The following HADH variants were observed in gnomAD, a reference collection of about 807,000 sequenced individuals.
The protein encoded by HADH is hydroxyacyl-CoA dehydrogenase, also known as hydroxyacyl-coenzyme A dehydrogenase, mitochondrial.
Under a neutral mutation model 32.2 loss-of-function variants are expected in HADH, and 24 were observed. That is an observed-to-expected ratio of 0.75 (90% CI 0.54 to 1.05). The LOEUF is 1.05. HADH is among the 50% of genes least tolerant of loss of function. The pLI is 0.00. For synonymous variants in HADH, 139 were observed against 152.5 expected (o/e 0.91, Z 0.65); for missense variants, 350 against 397.1 (o/e 0.88, Z 1.01).
chr4:108,033,178 G>A lies in HADH; in HGVS notation c.712G>A (p.Asp238Asn). ...MEAIRLYERG[D>N]ASKEDIDTAM... Reference sequence around the variant, plus strand: ...CAGTGCTGCCGTTTTCTCCTTAGGTGACGCATCCAAAGAAGACATTGACAC... The same window carrying A: ...CAGTGCTGCCGTTTTCTCCTTAGGTAACGCATCCAAAGAAGACATTGACAC... The change falls in exon 7 of 8, where the codon GAC (aspartate) becomes AAC (asparagine). Residue 238 changes from aspartate (D) to asparagine (N), a missense_variant and splice_region_variant. Physicochemically the swap from Asp to Asn is conservative, Grantham distance 23 (BLOSUM62 1). Coordinates refer to ENST00000309522, the MANE Select transcript of HADH (RefSeq NM_005327.7). 6.5e-7 allele frequency: 1 copy of A among 1,543,036 alleles called. No homozygotes were observed. The highest frequency in any genetic ancestry group is 9.0e-7 in the Non-Finnish European group (1 of 1,115,294).
chr4:108,028,002 A>G (rs964174276), intron 6 of HADH: 5 of 581,664 alleles, frequency 8.6e-6, no homozygotes, highest in Non-Finnish European at 1.5e-5. Flanking sequence ...CCCCCACTAC[A>G]GTCCCAGCCA....
At chr4:108,013,817 G>C (rs1285881155) in intron 2 of HADH, among the ~76,000 whole-genome samples, 1 of 152,072 alleles carries the variant, frequency 6.6e-6, no homozygotes, top group African/African-American at 2.4e-5. Flanking sequence ...AATTTCACCT[G>C]CGAATGTCTT....
At chr4:108,028,210 A>G in intron 6 of HADH, 1 of 235,596 alleles carries the variant, frequency 4.2e-6, no homozygotes, top group Non-Finnish European at 8.4e-6. Flanking sequence ...GACAGTTTTT[A>G]GTAGTCTGTC....
intron 5 of HADH, chr4:108,026,490 T>G (rs1475870298): frequency 1.3e-5 from 2 of 152,230 alleles, no homozygotes; most frequent in Non-Finnish European, 2.9e-5. Flanking sequence ...AAAGAGTATT[T>G]TTGCCTCAAT....
rs564000933 is a variant in HADH, at chr4:107,990,153, A to G, written c.132+89A>G. The G allele has an allele frequency of 1.2e-3, 1,560 of 1,345,454 alleles. 11 individuals are homozygous for G. In the African/African-American group the frequency reaches 0.016, roughly 14 times the overall value. 83.3% of individuals were successfully genotyped at this position (1,345,454 alleles called of 1,614,324 possible). A position where few individuals can be genotyped will look rare whatever the true frequency, so the allele number is the denominator to read the frequency against. ...GCGCGACCGGCCGCGAGGGGCCTGC[A>G]CCCGCCCGACACCAGGGAGTTTTCA... On this transcript the variant is annotated intron_variant, in intron 1 of 7. Coordinates refer to ENST00000309522, the MANE Select transcript of HADH (RefSeq NM_005327.7).
In HADH at chr4:108,011,006, G is replaced by A. The variant is rs144542027; in HGVS notation, c.261+1119G>A. Among the ~76,000 whole-genome samples, 1,140 of 151,950 alleles carry A rather than the reference G, an allele frequency of 7.5e-3. 22 individuals carry two copies. Among genetic ancestry groups the A allele is most frequent in the Admixed American group, 0.038 (582 of 15,254 alleles). On this transcript the variant is annotated intron_variant, in intron 2 of 7. Coordinates refer to ENST00000309522, the MANE Select transcript of HADH (RefSeq NM_005327.7). Reference sequence around the variant, plus strand: ...TGGGATTACAGGCGCACGCCACCACGTCCAGCTAATTTTTGTAGTTTTAGT... The same window carrying A: ...TGGGATTACAGGCGCACGCCACCACATCCAGCTAATTTTTGTAGTTTTAGT...
chr4:107,991,283 C>T (rs939004634), intron 1 of HADH, among the ~76,000 whole-genome samples: 6 of 152,060 alleles, frequency 3.9e-5, no homozygotes, highest in Admixed American at 3.9e-4. Flanking sequence ...CGGTTATAGT[C>T]ATCTAATTTT....
chr4:107,989,929 C>T lies in HADH; in HGVS notation c.-4C>T. 1 of 1,612,280 alleles carries T rather than the reference C, an allele frequency of 6.2e-7. No homozygotes were observed. Among genetic ancestry groups the T allele is most frequent in the Non-Finnish European group, 8.5e-7 (1 of 1,179,500 alleles). ...CTCCTCGCTGTCGCCGCCGCTGCCA[C>T]ACCATGGCCTTCGTCACCAGGCAGT... On this transcript the variant is annotated 5_prime_UTR_variant, in exon 1 of 8. Transcript: ENST00000309522.
In HADH at chr4:107,990,070, C is replaced by T; in HGVS notation, c.132+6C>T. The stretch of plus-strand genomic sequence containing the variant: ...TGGGCGCCGGCATTGCCCAGGTGAG[C>T]GGCCCTCCCTGCAGCGTGCCCACGC... On this transcript the variant is annotated splice_donor_region_variant and intron_variant, in intron 1 of 7. Coordinates refer to ENST00000309522, the MANE Select transcript of HADH (RefSeq NM_005327.7). 6.2e-7 allele frequency: 1 copy of T among 1,606,280 alleles called. No homozygotes were observed. The highest frequency in any genetic ancestry group is 1.7e-4 in the Middle Eastern group (1 of 5,902).
chr4:108,024,133 C>T (rs1255577623), intron 5 of HADH: 5 of 153,740 alleles, frequency 3.3e-5, no homozygotes, highest in African/African-American at 9.7e-5. Flanking sequence ...TTTCCCCTTT[C>T]TTAAGCTGCC....
chr4:108,008,823 A>G (rs145279419), intron 1 of HADH, among the ~76,000 whole-genome samples: 1,684 of 152,266 alleles, frequency 0.011, 31 homozygotes, highest in African/African-American at 0.039. Context: ...GGCCTGAACT[A>G]ATTCACTTAC....
chr4:108,034,271 C>A lies in HADH; in HGVS notation c.859C>A (p.His287Asn). 6.2e-7 allele frequency: 1 copy of A among 1,613,078 alleles called. No individual in the cohort carries two copies. The highest frequency in any genetic ancestry group is 8.5e-7 in the Non-Finnish European group (1 of 1,179,002). The part of the protein sequence containing the change: ...WHEMDAENPL[H>N]QPSPSLNKLV... ...TGAAATGGATGCAGAGAACCCATTA[C>A]ATCAGCCCAGCCCATCCTTAAATAA... Residue 287 changes from histidine to asparagine, a missense_variant, in exon 8 of 8, where the codon CAT (histidine) becomes AAT (asparagine). Physicochemically the swap from His to Asn is moderately conservative, Grantham distance 68 (BLOSUM62 1). Transcript: ENST00000309522.
chr4:108,004,114 G>A (rs1735210162), intron 1 of HADH, among the ~76,000 whole-genome samples: 2 of 152,206 alleles, frequency 1.3e-5, no homozygotes, highest in South Asian at 2.1e-4. Flanking sequence ...CCTGTCACGT[G>A]TAGACAGTGA....
rs773267851 is a variant in HADH at position 107,989,909 on chromosome 4, C to A, written c.-24C>A. 1 of 1,608,512 alleles carries A rather than the reference C, an allele frequency of 6.2e-7. No homozygotes were observed. Among genetic ancestry groups the A allele is most frequent in the Admixed American group, 1.7e-5 (1 of 59,720 alleles). Reference sequence around the variant, plus strand: ...CGCGTCTTCCCTGCCCGGGTCTCCTCGCTGTCGCCGCCGCTGCCACACCAT... The same window carrying A: ...CGCGTCTTCCCTGCCCGGGTCTCCTAGCTGTCGCCGCCGCTGCCACACCAT... On this transcript the variant is annotated 5_prime_UTR_variant, in exon 1 of 8. Transcript: ENST00000309522.
chr4:108,012,249 A>T (rs530738301), intron 2 of HADH, among the ~76,000 whole-genome samples: 2,183 of 152,122 alleles, frequency 0.014, 52 homozygotes, highest in African/African-American at 0.044. Context: ...TGGCCTTTAG[A>T]TGATGGTGGA....
At chr4:108,007,324 G>C (rs1735324404) in intron 1 of HADH, among the ~76,000 whole-genome samples, 1 of 152,098 alleles carries the variant, frequency 6.6e-6, no homozygotes, top group Non-Finnish European at 1.5e-5. Flanking sequence ...AGCCAGGATG[G>C]TCTTGATCTC....
chr4:108,009,342 T>C (rs1392626094), intron 1 of HADH, among the ~76,000 whole-genome samples: 2 of 152,234 alleles, frequency 1.3e-5, no homozygotes, highest in Non-Finnish European at 1.5e-5. Context: ...GAACTGAATA[T>C]TTAATTTTAC....
intron 1 of HADH, among the ~76,000 whole-genome samples, chr4:108,009,241 C>A (rs1735396211): frequency 6.6e-6 from 1 of 152,190 alleles, no homozygotes; most frequent in South Asian, 2.1e-4. Context: ...ACAAGGGGCT[C>A]CAGCTCCAAG....
chr4:107,994,403 C>T (rs1459675381), intron 1 of HADH, among the ~76,000 whole-genome samples: 1 of 152,160 alleles, frequency 6.6e-6, no homozygotes, highest in Non-Finnish European at 1.5e-5. Flanking sequence ...AAAGCTTCTC[C>T]CCAGCCACTG....
Sources: allele counts gnomAD v4.1 joint callset (sites outside exome capture counted in the v4.1 genomes callset), GRCh38; gene constraint gnomAD v4.1.1; transcripts MANE v1.5; gene names NCBI Gene and HGNC (gene_info 2026-07-23, HGNC 2026-07-21).